ARHGEF39: variants seen among roughly 807,000 people sequenced by gnomAD.
The protein encoded by ARHGEF39 is Rho guanine nucleotide exchange factor 39, also known as Rho guanine nucleotide exchange factor (GEF) 39.
Under a neutral mutation model 47.5 loss-of-function variants are expected in ARHGEF39, and 45 were observed. That is an observed-to-expected ratio of 0.95 (90% CI 0.75 to 1.22). The LOEUF (loss-of-function observed/expected upper bound fraction) is 1.22, where lower values mean the gene tolerates loss of function less well. Among genes scored for constraint, ARHGEF39 ranks in the 50% most tolerant of loss-of-function variants. The pLI, the probability that ARHGEF39 is intolerant of heterozygous loss-of-function variation, is 0.00. For missense variants in ARHGEF39, 411 were observed against 425.3 expected (o/e 0.97, Z 0.30); for synonymous variants, 164 against 167.8 (o/e 0.98, Z 0.17).
In ARHGEF39 at chr9:35,660,513, A is replaced by T; in HGVS notation, c.*1474T>A. 1 of 1,613,448 alleles carries T rather than the reference A, an allele frequency of 6.2e-7. No homozygotes were observed. The highest frequency in any genetic ancestry group is 1.1e-5 in the South Asian group (1 of 91,008). On this transcript the variant is annotated 3_prime_UTR_variant, in exon 9 of 9. Coordinates refer to ENST00000378387, the MANE Select transcript of ARHGEF39 (RefSeq NM_032818.3). ...GTCGGGGGAGTTTAGGGGACAGCAGAAGATACATAACCACTTCTGCCCCCT... is the reference window on the plus strand; with the variant it reads ...GTCGGGGGAGTTTAGGGGACAGCAGTAGATACATAACCACTTCTGCCCCCT...
rs1255494981 is a variant in ARHGEF39, at chr9:35,664,630, G to A, written c.233+126C>T. On this transcript the variant is annotated intron_variant, in intron 2 of 8. Transcript: ENST00000378387. Reference sequence around the variant, plus strand: ...GAGAACAAGGGCATGCTAAGGCCCTGGGCCAAGGCCACAGGTGAGCTAACT... The same window carrying A: ...GAGAACAAGGGCATGCTAAGGCCCTAGGCCAAGGCCACAGGTGAGCTAACT... 2.7e-6 allele frequency: 4 copies of A among 1,469,094 alleles called. No homozygotes were observed. The East Asian group carries it at 7.1e-5, about 26-fold the overall frequency. 91.0% of individuals were successfully genotyped at this position (1,469,094 alleles called of 1,614,324 possible).
chr9:35,662,757 G>T lies in ARHGEF39; in HGVS notation c.674-16C>A, dbSNP rs369065501. 1.6e-5 allele frequency: 25 copies of T among 1,546,690 alleles called. No individual in the cohort carries two copies. The highest frequency in any genetic ancestry group is 1.7e-5 in the Non-Finnish European group (19 of 1,144,764). On this transcript the variant is annotated splice_polypyrimidine_tract_variant and intron_variant, in intron 6 of 8. Coordinates refer to ENST00000378387, the MANE Select transcript of ARHGEF39 (RefSeq NM_032818.3). The stretch of plus-strand genomic sequence containing the variant: ...AACCAGCGCCCTGGGGGATGGGAGC[G>T]CTGTTATTCTGGTGCAGCTTCAAGA...
chr9:35,660,634 C>G lies in ARHGEF39; in HGVS notation c.*1353G>C. 3.1e-6 allele frequency: 5 copies of G among 1,614,140 alleles called. No homozygotes were observed. Among genetic ancestry groups the G allele is most frequent in the Non-Finnish European group, 4.2e-6 (5 of 1,180,032 alleles). On this transcript the variant is annotated 3_prime_UTR_variant, in exon 9 of 9. Coordinates refer to ENST00000378387, the MANE Select transcript of ARHGEF39 (RefSeq NM_032818.3). Reference sequence around the variant, plus strand: ...GAACAACCTGATGGCCCAGCTGGACCCCCTTTTTGAGCGGTGAGGAGAGCA... The same window carrying G: ...GAACAACCTGATGGCCCAGCTGGACGCCCTTTTTGAGCGGTGAGGAGAGCA...
In ARHGEF39 at chr9:35,662,270, A is replaced by T; in HGVS notation, c.904-3T>A. 6.2e-7 allele frequency: 1 copy of T among 1,613,164 alleles called. No homozygotes were observed. Among genetic ancestry groups the T allele is most frequent in the Non-Finnish European group, 8.5e-7 (1 of 1,179,118 alleles). Reference sequence around the variant, plus strand: ...AGCTTCTCATGAGGGAAGGACAGCTAGAGAGAGACCACCTCTTAGCGCATG... The same window carrying T: ...AGCTTCTCATGAGGGAAGGACAGCTTGAGAGAGACCACCTCTTAGCGCATG... On this transcript the variant is annotated splice_polypyrimidine_tract_variant and splice_region_variant and intron_variant, in intron 7 of 8. Coordinates refer to ENST00000378387, the MANE Select transcript of ARHGEF39 (RefSeq NM_032818.3).
rs779042710 is a variant in ARHGEF39, at chr9:35,664,870, T to C, written c.139-20A>G. The C allele has an allele frequency of 2.5e-6, 4 of 1,603,654 alleles. No individual in the cohort carries two copies. The highest frequency in any genetic ancestry group is 1.7e-5 in the Admixed American group (1 of 59,686). ...AAAGTACTGCGGAAGGAGAGAACAT[T>C]GGTTCTTAGCCTAGAGGAAGAGAAG... On this transcript the variant is annotated intron_variant, in intron 1 of 8. Transcript: ENST00000378387.
At chr9:35,664,185 C>T in intron 3 of ARHGEF39, 59 bp from the exon 4 acceptor site, 1 of 1,553,178 alleles carries the variant, frequency 6.4e-7, no homozygotes, top group Non-Finnish European at 8.9e-7. Context: ...ATATTGCATT[C>T]ATCTGTATCC....
intron 4 of ARHGEF39, 100 bp from the exon 5 acceptor site, chr9:35,663,492 C>T: frequency 2.9e-6 from 3 of 1,042,930 alleles, no homozygotes; most frequent in Admixed American, 2.1e-5. Flanking sequence ...CAATTGAAGG[C>T]CAGGAAAGAT....
chr9:35,660,217 AC>A lies in ARHGEF39; in HGVS notation c.*1769del. ...TTTCAGCAAACTGACCATGTGTGGG[AC>A]ATAGGACGTCGCTTCATATGCTGGG... On this transcript the variant is annotated 3_prime_UTR_variant, in exon 9 of 9. Transcript: ENST00000378387. 3.5e-6 allele frequency: 2 copies of A among 568,852 alleles called. No homozygotes were observed. Among genetic ancestry groups the A allele is most frequent in the Non-Finnish European group, 6.2e-6 (2 of 322,414 alleles). 35.2% of individuals were successfully genotyped at this position (568,852 alleles called of 1,614,324 possible).
intron 4 of ARHGEF39, among the ~76,000 whole-genome samples, chr9:35,663,643 T>C (rs528753792): frequency 6.6e-5 from 10 of 152,278 alleles, no homozygotes; most frequent in African/African-American, 2.2e-4. Flanking sequence ...GATGAAAGTT[T>C]ATCAACCCAA....
chr9:35,663,745 C>G (rs952411091), intron 4 of ARHGEF39, among the ~76,000 whole-genome samples: 9 of 152,182 alleles, frequency 5.9e-5, no homozygotes, highest in African/African-American at 2.2e-4. Context: ...GCATCTGAAA[C>G]TTTTCCAGAA....
rs976422306 is a variant in ARHGEF39 at position 35,660,289 on chromosome 9, C to G, written c.*1698G>C. 1 of 908,064 alleles carries G rather than the reference C, an allele frequency of 1.1e-6. No individual in the cohort carries two copies. Among genetic ancestry groups the G allele is most frequent in the Admixed American group, 2.5e-5 (1 of 40,464 alleles). 56.3% of individuals were successfully genotyped at this position (908,064 alleles called of 1,614,324 possible). Reference sequence around the variant, plus strand: ...GATTGTGATTCTCTGAGGTAAAAACCCAATCACTGTCTCCATCTCAAATTG... The same window carrying G: ...GATTGTGATTCTCTGAGGTAAAAACGCAATCACTGTCTCCATCTCAAATTG... On this transcript the variant is annotated 3_prime_UTR_variant, in exon 9 of 9. Transcript: ENST00000378387.
In ARHGEF39 at chr9:35,660,958, C is replaced by A. The variant is rs151243859; in HGVS notation, c.*1029G>T. ...CACACAGAGGCCAGCAGACCTCTTC[C>A]TGAGGACTTCTGTTTAAAGGAGGAC... On this transcript the variant is annotated 3_prime_UTR_variant, in exon 9 of 9. Transcript: ENST00000378387. 99 of 1,614,188 alleles carry A rather than the reference C, an allele frequency of 6.1e-5. 1 individual carries two copies. In the East Asian group the frequency reaches 2.1e-3, roughly 34 times the overall value.
In ARHGEF39 at chr9:35,664,088, T is replaced by C. The variant is rs780487753; in HGVS notation, c.393A>G (p.Val131=). ...ACTCAGGGCGGCCTTCCTGAAGCCG[T>C]ACAAACCTCCGGAAACCTTTATTTT... ...LKKNKGFRRF[V]RLQEGRPEFG... is the part of the protein sequence containing the mutation. Residue 131 remains valine, a synonymous_variant, in exon 4 of 9, where the codon GTA becomes GTG. Coordinates refer to ENST00000378387, the MANE Select transcript of ARHGEF39 (RefSeq NM_032818.3). 86 of 1,613,938 alleles carry C rather than the reference T, an allele frequency of 5.3e-5. No individual in the cohort carries two copies. The highest frequency in any genetic ancestry group is 7.1e-5 in the Non-Finnish European group (84 of 1,179,954).
chr9:35,662,383 G>A lies in ARHGEF39; in HGVS notation c.904-116C>T, dbSNP rs986173157. The stretch of plus-strand genomic sequence containing the variant: ...GAGACAATGACTAGGTATGAAGCCC[G>A]AGCCCCAGCTATCCTCTCTCAATGT... On this transcript the variant is annotated intron_variant, in intron 7 of 8. Transcript: ENST00000378387. 22 of 1,379,004 alleles carry A rather than the reference G, an allele frequency of 1.6e-5. No individual in the cohort carries two copies. In the African/African-American group the frequency reaches 2.4e-4, roughly 15 times the overall value. The allele number at this position is 1,379,004 out of a possible 1,614,324, so 85.4% of individuals were successfully genotyped here.
chr9:35,662,044 C>G, intron 8 of ARHGEF39, 42 bp from the exon 9 acceptor site: 1 of 1,612,896 alleles, frequency 6.2e-7, no homozygotes, highest in Middle Eastern at 1.7e-4. Context: ...GGTATGAGTG[C>G]TTTATTCAGA....
intron 2 of ARHGEF39, 32 bp downstream of exon 2, chr9:35,664,724 T>G: frequency 6.3e-7 from 1 of 1,592,584 alleles, no homozygotes. Flanking sequence ...GGACTCTCCC[T>G]CCTTTCCTCT....
chr9:35,664,623 A>G (rs1824139009), intron 2 of ARHGEF39, 131 bp from the exon 3 acceptor site: 1 of 1,480,296 alleles, frequency 6.8e-7, no homozygotes, highest in Admixed American at 2.5e-5. Context: ...GGGCATGCTA[A>G]GGCCCTGGGC....
rs1389921710 is a variant in ARHGEF39 at position 35,660,869 on chromosome 9, G to A, written c.*1118C>T. On this transcript the variant is annotated 3_prime_UTR_variant, in exon 9 of 9. Coordinates refer to ENST00000378387, the MANE Select transcript of ARHGEF39 (RefSeq NM_032818.3). ...AGGCTTCAGAACCAGGTGAAGGCTC[G>A]GGAGGCGAGTCTGCTGGAGGTGGAG... 9.9e-6 allele frequency: 16 copies of A among 1,614,016 alleles called. No homozygotes were observed. The highest frequency in any genetic ancestry group is 4.5e-5 in the East Asian group (2 of 44,898).
In ARHGEF39 at chr9:35,661,170, C is replaced by CA; in HGVS notation, c.*816dup. 6.2e-7 allele frequency: 1 copy of CA among 1,600,988 alleles called. No homozygotes were observed. Among genetic ancestry groups the CA allele is most frequent in the Non-Finnish European group, 8.5e-7 (1 of 1,172,208 alleles). On this transcript the variant is annotated 3_prime_UTR_variant, in exon 9 of 9. Transcript: ENST00000378387. ...GACGACAGCTGAAGGTCGACTAAAA[C>CA]AAAGTCTGTTTTCATGATGGAGTGC... is the stretch of plus-strand genomic sequence containing the variant.
Sources: gnomAD v4.1 joint callset for allele counts (sites outside exome capture counted in the v4.1 genomes callset) on GRCh38, gnomAD v4.1.1 for gene constraint, MANE v1.5 for transcripts, NCBI Gene and HGNC (gene_info 2026-07-23, HGNC 2026-07-21) for gene names.